ZNF385D: variants seen among roughly 807,000 people sequenced by gnomAD.
The protein encoded by ZNF385D is zinc finger protein 659.
In ZNF385D, 15 loss-of-function variants were observed where a neutral mutation model predicts 35.8. The ratio of observed to expected loss-of-function variants is 0.42; its 90% CI spans 0.28 to 0.64. The LOEUF (loss-of-function observed/expected upper bound fraction) is 0.64, where lower values mean the gene tolerates loss of function less well. Ranked by LOEUF, ZNF385D falls within the 30% of genes least tolerant of loss-of-function variation. ZNF385D has a pLI of 0.23. For missense variants in ZNF385D, 474 were observed against 494.6 expected, an observed-to-expected ratio of 0.96 and a Z score of 0.39; for synonymous variants, 212 against 186.8, an observed-to-expected ratio of 1.13 and a Z score of -1.10.
At chr3:22,336,421 A>G (rs1695163031) in intron 2 of ZNF385D, among the ~76,000 whole-genome samples, 1 of 152,128 alleles carries the variant, frequency 6.6e-6, no homozygotes, top group African/African-American at 2.4e-5. Context: ...TTCAACAGTA[A>G]CTCTAAATTA....
At chr3:22,166,829 G>A (rs1314218246) in intron 3 of ZNF385D, among the ~76,000 whole-genome samples, 1 of 152,180 alleles carries the variant, frequency 6.6e-6, no homozygotes, top group Non-Finnish European at 1.5e-5. Flanking sequence ...TCCAAAAGAG[G>A]TTTGTGACTA....
At chr3:21,585,067 A>C (rs545272758) in intron 2 of ZNF385D, among the ~76,000 whole-genome samples, 2 of 151,996 alleles carry the variant, frequency 1.3e-5, no homozygotes, top group East Asian at 3.9e-4. Flanking sequence ...AGTTTTTGAA[A>C]TATAACGAGA....
At chr3:21,566,200 A>AACTC (rs1292990214) in intron 2 of ZNF385D, among the ~76,000 whole-genome samples, 1 of 152,202 alleles carries the variant, frequency 6.6e-6, no homozygotes, top group African/African-American at 2.4e-5. Context: ...AAAGGAGTAG[A>AACTC]ACTCATGGGC....
intron 3 of ZNF385D, among the ~76,000 whole-genome samples, chr3:21,889,917 C>T (rs1300413177): frequency 3.3e-5 from 5 of 152,048 alleles, no homozygotes; most frequent in Non-Finnish European, 5.9e-5. Flanking sequence ...GTCAGTAAGT[C>T]CAATCTTCAC....
upstream of ZNF385D, among the ~76,000 whole-genome samples, chr3:21,752,857 A>G (rs964454951): frequency 6.6e-6 from 1 of 152,194 alleles, no homozygotes; most frequent in African/African-American, 2.4e-5. Flanking sequence ...AAATTGTCCA[A>G]AAGTACAATT....
chr3:22,362,058 A>T (rs1209237693), intron 2 of ZNF385D, among the ~76,000 whole-genome samples: 1 of 151,260 alleles, frequency 6.6e-6, no homozygotes, highest in Non-Finnish European at 1.5e-5. Flanking sequence ...ATTAATATGG[A>T]TGTATGCTAT....
intron 3 of ZNF385D, among the ~76,000 whole-genome samples, chr3:21,844,066 T>C (rs1695846037): frequency 6.6e-6 from 1 of 151,988 alleles, no homozygotes; most frequent in Non-Finnish European, 1.5e-5. Context: ...ACAAGGATGA[T>C]ATCTGGCAGA....
chr3:22,200,622 T>A (rs1696724123), intron 2 of ZNF385D, among the ~76,000 whole-genome samples: 1 of 151,906 alleles, frequency 6.6e-6, no homozygotes, highest in African/African-American at 2.4e-5. Flanking sequence ...GAGCAACTAG[T>A]CTGACCAAAA....
At chr3:22,096,556 T>C (rs1305457823) in intron 3 of ZNF385D, among the ~76,000 whole-genome samples, 2 of 152,198 alleles carry the variant, frequency 1.3e-5, no homozygotes, top group Middle Eastern at 6.8e-3. Context: ...TGAGACTTTC[T>C]TGCTCAAAAA....
rs1362342853 is a variant in ZNF385D, at chr3:22,163,585, C to T, written c.325+5232G>A. On this transcript the variant is annotated intron_variant, in intron 3 of 5. Coordinates refer to the ZNF385D transcript ENST00000494108. The stretch of plus-strand genomic sequence containing the variant: ...GACTATGCCTCAAGGCATATAATCA[C>T]ACAATATTCAAATATCAAATAATGA... Among the ~76,000 whole-genome samples, 8 of 152,264 alleles carry T rather than the reference C, an allele frequency of 5.3e-5. No homozygotes were observed. The East Asian group carries it at 1.5e-3, about 29-fold the overall frequency.
intron 2 of ZNF385D, among the ~76,000 whole-genome samples, chr3:22,200,921 C>A (rs117343346): frequency 6.6e-6 from 1 of 152,164 alleles, no homozygotes; most frequent in Non-Finnish European, 1.5e-5. Context: ...TCCCTCAACA[C>A]TGCTGTTACC....
Position 21,504,240 on chromosome 3 carries a change from G to A in ZNF385D, c.439+6621C>T, listed in dbSNP as rs149615819. The stretch of plus-strand genomic sequence containing the variant: ...AATGTCAAGTGTTCTTTACTTGTAG[G>A]ACTAGAGAATCTCAAAAACCAAAAA... On this transcript the variant is annotated intron_variant, in intron 4 of 7. Coordinates refer to ENST00000281523, the MANE Select transcript of ZNF385D (RefSeq NM_024697.3). 6.3e-3 allele frequency among the ~76,000 whole-genome samples: 959 copies of A among 152,128 alleles called. 8 individuals are homozygous for A. The highest frequency in any genetic ancestry group is 9.0e-3 in the Non-Finnish European group (614 of 67,984).
chr3:21,772,748 T>C (rs139418498), intron 3 of ZNF385D, among the ~76,000 whole-genome samples: 2 of 151,926 alleles, frequency 1.3e-5, no homozygotes, highest in Admixed American at 1.3e-4. Context: ...AAAGAGATAT[T>C]TGAACACCTA....
In ZNF385D at chr3:21,420,000, T is replaced by C. The variant is rs1040390447; in HGVS notation, c.*1214A>G. ...ATAATTGTCGAGTGGAACTTACCAGTATTTTTTAACACTATGTCATTGGTG... is the reference window on the plus strand; with the variant it reads ...ATAATTGTCGAGTGGAACTTACCAGCATTTTTTAACACTATGTCATTGGTG... On this transcript the variant is annotated 3_prime_UTR_variant, in exon 8 of 8. Transcript: ENST00000281523. 5 of 152,160 alleles carry C rather than the reference T, an allele frequency of 3.3e-5. No homozygotes were observed. The highest frequency in any genetic ancestry group is 1.2e-4 in the African/African-American group (5 of 41,448). 9.4% of individuals were successfully genotyped at this position (152,160 alleles called of 1,614,324 possible).
chr3:21,679,727 G>T (rs1303664678), intron 1 of ZNF385D, among the ~76,000 whole-genome samples: 10 of 151,966 alleles, frequency 6.6e-5, no homozygotes, highest in Non-Finnish European at 1.5e-4. Context: ...GAGGGAGGGA[G>T]ACTAGCAGGG....
chr3:21,685,576 G>A (rs976716010), intron 1 of ZNF385D, among the ~76,000 whole-genome samples: 2 of 152,172 alleles, frequency 1.3e-5, no homozygotes, highest in South Asian at 2.1e-4. Flanking sequence ...GCTCCAACAA[G>A]AGGAAGTATT....
intron 3 of ZNF385D, among the ~76,000 whole-genome samples, chr3:21,812,160 C>T (rs1388516364): frequency 6.6e-6 from 1 of 152,018 alleles, no homozygotes. Flanking sequence ...ATTTGATTTC[C>T]TCAATTAAAA....
intron 3 of ZNF385D, among the ~76,000 whole-genome samples, chr3:22,070,375 T>C (rs1015910965): frequency 6.6e-5 from 10 of 152,144 alleles, no homozygotes; most frequent in African/African-American, 2.4e-4. Flanking sequence ...TAACCCGCTT[T>C]CAAGAAAAAC....
At chr3:22,150,194 G>C (rs548882030) in intron 3 of ZNF385D, among the ~76,000 whole-genome samples, 4 of 152,232 alleles carry the variant, frequency 2.6e-5, no homozygotes, top group South Asian at 4.1e-4. Context: ...ATAAGTCTTA[G>C]TTTAGGAAGA....
Sources: gnomAD v4.1 joint callset for allele counts (sites outside exome capture counted in the v4.1 genomes callset) on GRCh38, gnomAD v4.1.1 for gene constraint, MANE v1.5 for transcripts, NCBI Gene and HGNC (gene_info 2026-07-23, HGNC 2026-07-21) for gene names.